The following SEC13 variants were observed in gnomAD, a reference collection of about 807,000 sequenced individuals.
SEC13 encodes protein SEC13 homolog.
SEC13 carries 25 observed loss-of-function variants against 49.2 expected under a neutral mutation model. That is an observed-to-expected ratio of 0.51 (90% CI 0.37 to 0.71). The LOEUF (loss-of-function observed/expected upper bound fraction) is 0.71. SEC13 is among the 30% of genes least tolerant of loss of function. SEC13 has a pLI of 0.00. For synonymous variants in SEC13, 148 were observed against 163.9 expected (o/e 0.90, Z 0.74); for missense variants, 383 against 417.6 (o/e 0.92, Z 0.72).
intron 4 of SEC13, among the ~76,000 whole-genome samples, 162 bp from the exon 5 acceptor site, chr3:10,312,260 T>TC (rs147963457): frequency 0.011 from 1,635 of 152,168 alleles, 31 homozygotes; most frequent in African/African-American, 0.038. Flanking sequence ...AAAAACCCCA[T>TC]CACCTACTAA....
intron 2 of SEC13, among the ~76,000 whole-genome samples, chr3:10,317,799 C>G (rs1011877429): frequency 1.6e-4 from 25 of 152,144 alleles, no homozygotes; most frequent in African/African-American, 5.8e-4. Context: ...GACTGACAGC[C>G]TAGAACTACA....
chr3:10,308,788 TGAA>T, intron 5 of SEC13, among the ~76,000 whole-genome samples: 1 of 122,540 alleles, frequency 8.2e-6, no homozygotes, highest in African/African-American at 3.3e-5. Flanking sequence ...GATGCTGAGT[TGAA>T]TTTTTTTTTT....
intron 5 of SEC13, among the ~76,000 whole-genome samples, chr3:10,306,716 A>ATGAT (rs1394856937): frequency 6.6e-6 from 1 of 152,290 alleles, no homozygotes; most frequent in East Asian, 1.9e-4. Flanking sequence ...TGCTGTTCTC[A>ATGAT]TGATAGTGAA....
At chr3:10,319,761 TGAGAGAGAGAGA>T (rs34434283) in intron 1 of SEC13, among the ~76,000 whole-genome samples, 90 of 45,494 alleles carry the variant, frequency 2.0e-3, no homozygotes, top group African/African-American at 2.9e-3. Flanking sequence ...CACTTCTGAA[TGAGAGAGAGAGA>T]GAGAGAGAGA....
At chr3:10,312,500 G>A in intron 4 of SEC13, 79 bp downstream of exon 4, 1 of 1,529,674 alleles carries the variant, frequency 6.5e-7, no homozygotes, top group Non-Finnish European at 8.9e-7. Context: ...GAGGGGCAGG[G>A]AGCCAGGGCT....
chr3:10,319,350 C>T, intron 1 of SEC13: 1 of 1,499,626 alleles, frequency 6.7e-7, no homozygotes, highest in Non-Finnish European at 8.9e-7. Context: ...AAGGAGTTTC[C>T]TCCATGTGCC....
At chr3:10,303,764 T>C (rs1700688564) in intron 8 of SEC13, 1 of 515,246 alleles carries the variant, frequency 1.9e-6, no homozygotes, top group Admixed American at 3.1e-5. Context: ...TGACTGGCTC[T>C]GCCACCTCAT....
In SEC13 at chr3:10,319,173, C is replaced by T. The variant is rs747148164; in HGVS notation, c.4-1079G>A. 4.3e-6 allele frequency: 7 copies of T among 1,613,516 alleles called. No individual in the cohort carries two copies. The African/African-American group carries it at 8.0e-5, about 18-fold the overall frequency. ...CATTTCATCTTTTCCAGCACAAGCC[C>T]TGTAGGTATAAAGTTTGACTTGTGA... On this transcript the variant is annotated intron_variant, in intron 1 of 8. Transcript: ENST00000350697.
At chr3:10,303,724 G>T (rs1574861921) in intron 8 of SEC13, 7 of 453,298 alleles carry the variant, frequency 1.5e-5, no homozygotes, top group Non-Finnish European at 2.9e-5. Context: ...TCACCATGAG[G>T]TGACCAAATG....
intron 1 of SEC13, chr3:10,319,355 T>C (rs1559502786): frequency 1.4e-6 from 2 of 1,477,688 alleles, no homozygotes; most frequent in African/African-American, 2.8e-5. Flanking sequence ...GTTTCCTCCA[T>C]GTGCCGAGCT....
chr3:10,313,086 G>C (rs1701384005), intron 3 of SEC13: 1 of 248,488 alleles, frequency 4.0e-6, no homozygotes, highest in Non-Finnish European at 8.1e-6. Context: ...AGCCAGAAGT[G>C]TTCAGGAAAT....
chr3:10,315,484 TG>T, intron 2 of SEC13, 48 bp from the exon 3 acceptor site: 1 of 3,164 alleles, frequency 3.2e-4, no homozygotes, highest in Admixed American at 6.1e-3. Context: ...GGTGGGTGGG[TG>T]GGTGGGGTGA....
At chr3:10,311,597 T>A in intron 5 of SEC13, 1 of 1,005,394 alleles carries the variant, frequency 9.9e-7, no homozygotes, top group Non-Finnish European at 1.2e-6. Flanking sequence ...CTTTCTTAAA[T>A]GTATGCATAG....
chr3:10,302,672 G>A (rs988290742), intron 8 of SEC13, among the ~76,000 whole-genome samples: 2 of 152,150 alleles, frequency 1.3e-5, no homozygotes, highest in African/African-American at 2.4e-5. Flanking sequence ...TGGGACCACT[G>A]TAGATGAAAG....
At chr3:10,316,737 C>CA (rs1284855079) in intron 2 of SEC13, among the ~76,000 whole-genome samples, 5 of 152,174 alleles carry the variant, frequency 3.3e-5, no homozygotes, top group African/African-American at 1.2e-4. Flanking sequence ...AATGAAAACT[C>CA]ACGCCTGTAA....
intron 8 of SEC13, among the ~76,000 whole-genome samples, chr3:10,301,703 C>G (rs145626143): frequency 3.9e-5 from 6 of 152,184 alleles, no homozygotes; most frequent in Non-Finnish European, 5.9e-5. Flanking sequence ...AGCAGAGCAT[C>G]GGTCACCTGG....
At chr3:10,317,976 A>G (rs754338035) in intron 2 of SEC13, 74 bp downstream of exon 2, 6 of 1,025,678 alleles carry the variant, frequency 5.8e-6, no homozygotes, top group Non-Finnish European at 9.2e-6. Context: ...GGGTAATGAA[A>G]ACCCCAAATT....
At chr3:10,302,202 C>T (rs866115483) in intron 8 of SEC13, among the ~76,000 whole-genome samples, 6 of 152,204 alleles carry the variant, frequency 3.9e-5, no homozygotes, top group African/African-American at 1.4e-4. Context: ...TGCGCCACTG[C>T]ACTCCAGCCT....
At chr3:10,318,756 T>A (rs1450814431) in intron 1 of SEC13, among the ~76,000 whole-genome samples, 5 of 152,224 alleles carry the variant, frequency 3.3e-5, no homozygotes, top group Non-Finnish European at 5.9e-5. Context: ...GTCATGGTCA[T>A]CTCCCTCCTA....
Sources: allele counts gnomAD v4.1 joint callset (sites outside exome capture counted in the v4.1 genomes callset), GRCh38; gene constraint gnomAD v4.1.1; transcripts MANE v1.5; gene names NCBI Gene and HGNC (gene_info 2026-07-23, HGNC 2026-07-21).